Variants in MBP observed in about 807,000 individuals in gnomAD.
MBP encodes Golli-MBP.
Under a neutral mutation model 35.8 loss-of-function variants are expected in MBP, and 16 were observed. That is an observed-to-expected ratio of 0.45 (90% CI 0.30 to 0.68). The LOEUF (loss-of-function observed/expected upper bound fraction) is 0.68. Ranked by LOEUF, MBP falls within the 30% of genes least tolerant of loss-of-function variation. MBP has a pLI of 0.08. For missense variants in MBP, 380 were observed against 404.7 expected (o/e 0.94, Z 0.52); for synonymous variants, 143 against 159.6 (o/e 0.90, Z 0.78).
At chr18:77,009,832 AC>A in intron 4 of MBP, 1 of 1,557,910 alleles carries the variant, frequency 6.4e-7, no homozygotes, top group Admixed American at 1.9e-5. Context: ...ATGGGTGAGG[AC>A]CCGCCGGCGT....
chr18:77,070,541 G>C (rs1160162197), intron 2 of MBP, among the ~76,000 whole-genome samples: 2 of 152,114 alleles, frequency 1.3e-5, no homozygotes, highest in Admixed American at 6.6e-5. Context: ...TATTTTTTTG[G>C]AACAAAAGAA....
chr18:76,990,122 C>T (rs1969812725), intron 4 of MBP, 62 bp from the exon 5 acceptor site: 2 of 1,085,098 alleles, frequency 1.8e-6, no homozygotes, highest in East Asian at 4.9e-5. Flanking sequence ...TTGTCCTCCT[C>T]AGGGAAGCTG....
At position 77,102,659 on chromosome 18, in the gene MBP, T is replaced by C. The variant is rs1976081259; in HGVS notation, c.51+2552A>G. On this transcript the variant is annotated intron_variant, in intron 2 of 8. Coordinates refer to ENST00000355994, the MANE Select transcript of MBP (RefSeq NM_001025101.2). This position sits in a 1 kb window ranked among gnomAD's most constrained non-coding sequence, Gnocchi z 4.4. ...GGCTCAAAATCTTACTCTGATAGCATTAAACAAATTAAAAACATATGTGGG... is the reference window on the plus strand; with the variant it reads ...GGCTCAAAATCTTACTCTGATAGCACTAAACAAATTAAAAACATATGTGGG... Among the ~76,000 whole-genome samples, 1 of 152,188 alleles carries C rather than the reference T, an allele frequency of 6.6e-6. No individual in the cohort carries two copies. The highest frequency in any genetic ancestry group is 1.5e-5 in the Non-Finnish European group (1 of 68,012).
Position 76,984,549 on chromosome 18 carries a change from A to C in MBP, c.870+226T>G. The C allele has an allele frequency of 1.7e-5, 10 of 574,388 alleles. No homozygotes were observed. The South Asian group carries it at 2.0e-4, about 12-fold the overall frequency. The allele number at this position is 574,388 out of a possible 1,614,324, so 35.6% of individuals were successfully genotyped here. A position where few individuals can be genotyped will look rare whatever the true frequency, so the allele number is the denominator to read the frequency against. On this transcript the variant is annotated intron_variant, in intron 8 of 8. Coordinates refer to ENST00000355994, the MANE Select transcript of MBP (RefSeq NM_001025101.2). ...AGGGCCCCTGAACCAGCCCAGGCGC[A>C]GCCCTTCCTCAAGCACCTCCGGCTT...
intron 7 of MBP, chr18:76,985,662 C>T: frequency 3.8e-6 from 4 of 1,055,464 alleles, no homozygotes; most frequent in Non-Finnish European, 4.6e-6. Context: ...GGGACAGCGT[C>T]TCAGCTCCCC....
intron 2 of MBP, among the ~76,000 whole-genome samples, chr18:77,079,196 A>C (rs1045948833): frequency 2.6e-5 from 4 of 152,204 alleles, no homozygotes; most frequent in Non-Finnish European, 5.9e-5. Context: ...GCCTAGGACT[A>C]TTTCTCTGAG....
intron 4 of MBP, among the ~76,000 whole-genome samples, chr18:77,009,001 G>A (rs470330): frequency 0.068 from 10,343 of 152,278 alleles, 397 homozygotes; most frequent in Middle Eastern, 0.14. Context: ...AAATGTTCTC[G>A]CTATTTAGGT....
At chr18:77,004,285 CA>C (rs1231387022) in intron 4 of MBP, 2 of 150,600 alleles carry the variant, frequency 1.3e-5, no homozygotes, top group Non-Finnish European at 3.0e-5. Flanking sequence ...TGTCCCCCCC[CA>C]CTCCCCGCCG....
At chr18:77,058,268 C>T (rs9954479) in intron 3 of MBP, among the ~76,000 whole-genome samples, 7,935 of 152,182 alleles carry the variant, frequency 0.052, 264 homozygotes, top group Middle Eastern at 0.11. Flanking sequence ...CGAGCGCTCC[C>T]AGGCTGGGTC....
At position 77,074,175 on chromosome 18, in the gene MBP, G is replaced by T. The variant is rs143962119; in HGVS notation, c.52-7790C>A. On this transcript the variant is annotated intron_variant, in intron 2 of 8. Coordinates refer to ENST00000355994, the MANE Select transcript of MBP (RefSeq NM_001025101.2). ...CCTTGGAGGTAGACAGTGCCCACGT[G>T]GGGGCTTCAATTTTTCTGTTTCTCC... Among the ~76,000 whole-genome samples the T allele has an allele frequency of 3.1e-3, 477 of 152,240 alleles. 2 individuals carry two copies. The highest frequency in any genetic ancestry group is 0.01 in the African/African-American group (434 of 41,554).
rs539003555 is a variant in MBP at position 77,022,936 on chromosome 18, T to G, written c.140-5668A>C. On this transcript the variant is annotated intron_variant, in intron 3 of 8. Transcript: ENST00000355994. The stretch of plus-strand genomic sequence containing the variant: ...GAAATCCCAATGCAGACTTTTACAT[T>G]TGGATATTTATAGAGCAGAGCATTA... Among the ~76,000 whole-genome samples the G allele has an allele frequency of 4.6e-5, 7 of 152,218 alleles. No homozygotes were observed. The South Asian group carries it at 6.2e-4, about 13-fold the overall frequency.
chr18:77,099,748 A>C (rs916945089), intron 2 of MBP, among the ~76,000 whole-genome samples: 1 of 152,238 alleles, frequency 6.6e-6, no homozygotes, highest in East Asian at 1.9e-4. Context: ...ATGACTCAGC[A>C]CGTGGGAGAT....
At chr18:77,041,720 T>C (rs1477879257) in intron 3 of MBP, among the ~76,000 whole-genome samples, 6 of 136,392 alleles carry the variant, frequency 4.4e-5, no homozygotes, top group African/African-American at 1.1e-4. Flanking sequence ...TAGGTGGGAA[T>C]TGAACAATGA....
intron 4 of MBP, among the ~76,000 whole-genome samples, chr18:76,997,653 G>A (rs1402946384): frequency 2.0e-5 from 3 of 152,216 alleles, no homozygotes; most frequent in Non-Finnish European, 1.5e-5. Context: ...AGGGGACTGC[G>A]TGGCCCGCGT....
intron 2 of MBP, among the ~76,000 whole-genome samples, chr18:77,095,092 G>C (rs1975703692): frequency 1.3e-5 from 2 of 152,292 alleles, no homozygotes; most frequent in Non-Finnish European, 2.9e-5. Flanking sequence ...TTCTGCTATT[G>C]AGTTCAAGAG....
chr18:77,022,799 G>C (rs1291314097), intron 3 of MBP, among the ~76,000 whole-genome samples: 1 of 152,218 alleles, frequency 6.6e-6, no homozygotes, highest in Admixed American at 6.5e-5. Context: ...TGTCCCCAAA[G>C]TAGCTTCTCC....
Position 77,015,829 on chromosome 18 carries a change from G to A in MBP, c.576+1003C>T, listed in dbSNP as rs781703731. On this transcript the variant is annotated intron_variant, in intron 4 of 8. Transcript: ENST00000355994. ...TGATTGCATGTTATCAGAATGAGGC[G>A]CTCTGTTCCACACTTTATTCAAAAG... The A allele has an allele frequency of 1.6e-5, 16 of 985,236 alleles. No homozygotes were observed. The South Asian group carries it at 1.9e-4, about 12-fold the overall frequency. 61.0% of individuals were successfully genotyped at this position (985,236 alleles called of 1,614,324 possible).
chr18:77,061,635 C>T (rs572260642), intron 3 of MBP, among the ~76,000 whole-genome samples: 15 of 152,160 alleles, frequency 9.9e-5, no homozygotes, highest in East Asian at 1.9e-4. Flanking sequence ...CAGAGTGAAA[C>T]GGGCGGCTCC....
At position 76,990,024 on chromosome 18, in the gene MBP, A is replaced by G. The variant is rs561143593; in HGVS notation, c.613T>C (p.Ser205Pro). 2.5e-6 allele frequency: 4 copies of G among 1,612,998 alleles called. No individual in the cohort carries two copies. In the South Asian group the frequency reaches 4.4e-5, roughly 18 times the overall value. The change falls in exon 5 of 9, where the codon TCC becomes CCC. Residue 205 changes from serine (S) to proline (P), a missense_variant. Coordinates refer to ENST00000355994, the MANE Select transcript of MBP (RefSeq NM_001025101.2). ...HHPARTAHYG[S>P]LPQKSHGRTQ... Reference sequence around the variant, plus strand: ...CGGCCGTGTGACTTCTGGGGCAGGGAGCCGTAGTGAGCAGTTCTTGCCGGG... The same window carrying G: ...CGGCCGTGTGACTTCTGGGGCAGGGGGCCGTAGTGAGCAGTTCTTGCCGGG...
Sources: allele counts gnomAD v4.1 joint callset (sites outside exome capture counted in the v4.1 genomes callset), GRCh38; gene constraint gnomAD v4.1.1; non-coding constraint Gnocchi (gnomAD v3.1); transcripts MANE v1.5; gene names NCBI Gene and HGNC (gene_info 2026-07-23, HGNC 2026-07-21).